GRIA3: variants seen among roughly 807,000 people sequenced by gnomAD.
GRIA3 encodes the protein glutamate ionotropic receptor AMPA type subunit 3, also known as glutamate receptor 3.
A neutral mutation model predicts 63.0 loss-of-function variants in GRIA3; 3 were observed. The observed-to-expected ratio is 0.05, with a 90% CI of 0.02 to 0.12. The LOEUF (loss-of-function observed/expected upper bound fraction) is 0.12. GRIA3 is among the 10% of genes least tolerant of loss of function. The pLI, the probability that GRIA3 is intolerant of heterozygous loss-of-function variation, is 1.00. For missense variants in GRIA3, 347 were observed against 700.9 expected (o/e 0.50, Z 5.70); for synonymous variants, 274 against 257.9 (o/e 1.06, Z -0.60).
In GRIA3 at chrX:123,326,009, G is replaced by A; in HGVS notation, c.509-17G>A. The A allele has an allele frequency of 8.4e-7, 1 of 1,191,009 alleles. No individual in the cohort carries two copies. The highest frequency in any genetic ancestry group is 1.1e-6 in the Non-Finnish European group (1 of 877,210). ...GAAAGATTTTTAAATCATTGAAGCTGTTTTTCCTTCCTTCAGGATTTTCCA... is the reference window on the plus strand; with the variant it reads ...GAAAGATTTTTAAATCATTGAAGCTATTTTTCCTTCCTTCAGGATTTTCCA... On this transcript the variant is annotated splice_polypyrimidine_tract_variant and intron_variant, in intron 3 of 15. Transcript: ENST00000620443.
intron 5 of GRIA3, among the ~76,000 whole-genome samples, chrX:123,366,771 T>A (rs942761333): frequency 1.8e-5 from 2 of 111,892 alleles, no homozygotes; most frequent in Admixed American, 1.9e-4. Flanking sequence ...ACATGGAATA[T>A]GTAAGTTAAT....
intron 2 of GRIA3, among the ~76,000 whole-genome samples, chrX:123,213,344 C>T (rs903692828): frequency 7.1e-5 from 8 of 112,354 alleles, no homozygotes; most frequent in Non-Finnish European, 1.3e-4. Context: ...GTGCCAGGAA[C>T]TGGGCCAACT....
At chrX:123,242,471 AT>A (rs2044335330) in intron 2 of GRIA3, among the ~76,000 whole-genome samples, 1 of 111,767 alleles carries the variant, frequency 8.9e-6, no homozygotes, top group South Asian at 3.7e-4. Context: ...TGGATCAATT[AT>A]TTTTTCAATT....
intron 12 of GRIA3, among the ~76,000 whole-genome samples, chrX:123,447,310 A>G (rs2147415798): frequency 8.9e-6 from 1 of 111,797 alleles, no homozygotes; most frequent in African/African-American, 3.2e-5. Flanking sequence ...AACACAACAA[A>G]CAAAAAATAA....
intron 5 of GRIA3, among the ~76,000 whole-genome samples, chrX:123,385,368 CATG>C (rs1258633640): frequency 9.0e-6 from 1 of 111,470 alleles, no homozygotes; most frequent in East Asian, 2.8e-4. Flanking sequence ...GTACTAATAT[CATG>C]CCGTTTTGGT....
At chrX:123,224,829 G>T (rs963082034) in intron 2 of GRIA3, among the ~76,000 whole-genome samples, 1 of 111,449 alleles carries the variant, frequency 9.0e-6, no homozygotes, top group Admixed American at 9.6e-5. Context: ...TGCCGGGCTA[G>T]CTCATGGCTC....
intron 3 of GRIA3, among the ~76,000 whole-genome samples, chrX:123,261,770 A>G (rs1282500252): frequency 1.8e-5 from 2 of 111,724 alleles, no homozygotes; most frequent in Admixed American, 1.9e-4. Context: ...AGGCTAGCTA[A>G]AAATTCTGCT....
chrX:123,470,664 T>C (rs1379338222), intron 13 of GRIA3, among the ~76,000 whole-genome samples: 1 of 112,123 alleles, frequency 8.9e-6, no homozygotes, highest in African/African-American at 3.2e-5. Context: ...TTATACTGTA[T>C]TTCCCATTGG....
intron 2 of GRIA3, among the ~76,000 whole-genome samples, chrX:123,230,248 T>C (rs2044269266): frequency 8.9e-6 from 1 of 111,811 alleles, no homozygotes; most frequent in Admixed American, 9.5e-5. Context: ...CTTATTGCAA[T>C]ACTCCCTAAT....
rs370035683 is a variant in GRIA3, at chrX:123,416,114, T to C, written c.1501-1288T>C. Among the ~76,000 whole-genome samples the C allele has an allele frequency of 8.9e-5, 10 of 111,755 alleles. No homozygotes were observed. In the East Asian group the frequency reaches 2.3e-3, roughly 25 times the overall value. On this transcript the variant is annotated intron_variant, in intron 10 of 15. Coordinates refer to ENST00000620443, the MANE Select transcript of GRIA3 (RefSeq NM_007325.5). ...AGGTTACTGTGAGAATTAAATGACA[T>C]AGTAAGTGTAATGTGCTTAGCAAAG...
chrX:123,396,937 T>A lies in GRIA3; in HGVS notation c.913-1699T>A, dbSNP rs913561151. 3.6e-5 allele frequency among the ~76,000 whole-genome samples: 4 copies of A among 112,085 alleles called. No individual in the cohort carries two copies. In the Admixed American group the frequency reaches 3.8e-4, roughly 11 times the overall value. On this transcript the variant is annotated intron_variant, in intron 6 of 15. Transcript: ENST00000620443. ...TTCATTTATTCAATATTTTAGTGGG[T>A]TAGTAGTCTGGCACCTACAATGTGC...
chrX:123,399,283 T>C (rs1393771579), intron 7 of GRIA3, among the ~76,000 whole-genome samples: 1 of 111,975 alleles, frequency 8.9e-6, no homozygotes, highest in Non-Finnish European at 1.9e-5. Context: ...GCCAGTGTGA[T>C]AGTATTTCTG....
At chrX:123,205,615 A>G (rs1197534771) in intron 2 of GRIA3, among the ~76,000 whole-genome samples, 3 of 112,012 alleles carry the variant, frequency 2.7e-5, no homozygotes, top group African/African-American at 9.7e-5. Flanking sequence ...ACCAACTACA[A>G]AAGCACAACA....
chrX:123,474,102 T>C (rs764022898), intron 13 of GRIA3, among the ~76,000 whole-genome samples: 59 of 111,653 alleles, frequency 5.3e-4, no homozygotes, highest in African/African-American at 1.9e-3. Flanking sequence ...CAGAACCATA[T>C]TGACAGTATA....
At chrX:123,290,852 A>T (rs972861725) in intron 3 of GRIA3, among the ~76,000 whole-genome samples, 3 of 111,010 alleles carry the variant, frequency 2.7e-5, no homozygotes, top group African/African-American at 9.8e-5. Flanking sequence ...GACCTTTTGA[A>T]GGTGGCCACT....
At chrX:123,274,201 A>G (rs1210486102) in intron 3 of GRIA3, among the ~76,000 whole-genome samples, 2 of 112,729 alleles carry the variant, frequency 1.8e-5, no homozygotes, top group Admixed American at 1.9e-4. Flanking sequence ...ACTAAAAATT[A>G]TTTGTTGTTT....
At position 123,490,062 on chromosome X, in the gene GRIA3, G is replaced by A. The variant is rs1928547807; in HGVS notation, c.*1352G>A. 8.9e-6 allele frequency: 1 copy of A among 112,137 alleles called. No individual in the cohort carries two copies. The highest frequency in any genetic ancestry group is 1.9e-5 in the Non-Finnish European group (1 of 53,225). The allele number at this position is 112,137 out of a possible 1,213,427, so 9.2% of individuals were successfully genotyped here. ...GCCGTTGGCATCATCAGAACAGTCCGAAGAAATAGTCTCCACTCACTAATT... is the reference window on the plus strand; with the variant it reads ...GCCGTTGGCATCATCAGAACAGTCCAAAGAAATAGTCTCCACTCACTAATT... On this transcript the variant is annotated 3_prime_UTR_variant, in exon 16 of 16. Transcript: ENST00000620443.
chrX:123,262,930 G>A (rs752118544), intron 3 of GRIA3, among the ~76,000 whole-genome samples: 5 of 110,929 alleles, frequency 4.5e-5, no homozygotes, highest in South Asian at 3.8e-4. Flanking sequence ...GCTCCCAAAC[G>A]TCACAGCTCA....
intron 2 of GRIA3, among the ~76,000 whole-genome samples, chrX:123,239,388 G>A (rs1320881652): frequency 2.7e-5 from 3 of 110,470 alleles, no homozygotes; most frequent in Non-Finnish European, 5.7e-5. Flanking sequence ...CTGACCGCAT[G>A]TTTCCCTTCC....
Sources: allele counts gnomAD v4.1 joint callset (sites outside exome capture counted in the v4.1 genomes callset), GRCh38; gene constraint gnomAD v4.1.1; transcripts MANE v1.5; gene names NCBI Gene and HGNC (gene_info 2026-07-23, HGNC 2026-07-21).